The following LRRK1 variants were observed in gnomAD, a reference collection of about 807,000 sequenced individuals.
LRRK1 encodes the protein leucine rich repeat kinase 1.
LRRK1 carries 113 observed loss-of-function variants against 209.1 expected under a neutral mutation model. The observed-to-expected ratio is 0.54, with a 90% CI of 0.46 to 0.63. The LOEUF (loss-of-function observed/expected upper bound fraction) is 0.63. Ranked by LOEUF, LRRK1 falls within the 30% of genes least tolerant of loss-of-function variation. The pLI, the probability that LRRK1 is intolerant of heterozygous loss-of-function variation, is 0.00. For missense variants in LRRK1, 2,284 were observed against 2,632.2 expected, an observed-to-expected ratio of 0.87 and a Z score of 2.89; for synonymous variants, 1,144 against 1,099.7, an observed-to-expected ratio of 1.04 and a Z score of -0.80.
At chr15:100,987,637 CACA>C (rs1436940021) in intron 4 of LRRK1, among the ~76,000 whole-genome samples, 1 of 151,662 alleles carries the variant, frequency 6.6e-6, no homozygotes, top group African/African-American at 2.4e-5. Flanking sequence ...AATACAATGA[CACA>C]ACATCATGAG....
chr15:100,972,335 T>TATATGA (rs754464630), intron 2 of LRRK1, among the ~76,000 whole-genome samples: 57 of 106,182 alleles, frequency 5.4e-4, no homozygotes, highest in South Asian at 1.4e-3. Context: ...TATATATATA[T>TATATGA]GAGAGAGAGA....
chr15:100,998,059 A>G (rs1423535555), intron 6 of LRRK1, among the ~76,000 whole-genome samples: 2 of 151,964 alleles, frequency 1.3e-5, no homozygotes, highest in Non-Finnish European at 2.9e-5. Flanking sequence ...GTGCATGCCT[A>G]TAATCCCAGC....
chr15:100,998,415 C>T (rs1442701302), intron 6 of LRRK1, among the ~76,000 whole-genome samples: 1 of 152,172 alleles, frequency 6.6e-6, no homozygotes, highest in African/African-American at 2.4e-5. Context: ...GCCCCCACCC[C>T]AACCTTCTAT....
intron 2 of LRRK1, among the ~76,000 whole-genome samples, chr15:100,947,824 A>G (rs2042570696): frequency 6.6e-6 from 1 of 152,250 alleles, no homozygotes; most frequent in East Asian, 1.9e-4. Flanking sequence ...GATGCAGAAC[A>G]TGATTATCGT....
chr15:100,968,851 T>A (rs981116545), intron 2 of LRRK1, among the ~76,000 whole-genome samples: 1 of 151,230 alleles, frequency 6.6e-6, no homozygotes, highest in Admixed American at 6.6e-5. Context: ...GTTTTGTTTT[T>A]TTGAGACAGG....
At chr15:101,032,597 T>C (rs2034330890) in intron 20 of LRRK1, among the ~76,000 whole-genome samples, 1 of 152,210 alleles carries the variant, frequency 6.6e-6, no homozygotes. Flanking sequence ...ATCTTGACAA[T>C]CTTTCTTTAT....
At position 101,053,207 on chromosome 15, in the gene LRRK1, G is replaced by A; in HGVS notation, c.3857-16G>A. On this transcript the variant is annotated splice_polypyrimidine_tract_variant and intron_variant, in intron 25 of 33. Transcript: ENST00000388948. ...ACCCCATGTCCTACTGGCTGACACT[G>A]CGCTGTCCCTGGCAGACACCATGCT... 1.2e-6 allele frequency: 2 copies of A among 1,603,304 alleles called. No homozygotes were observed. The highest frequency in any genetic ancestry group is 1.7e-6 in the Non-Finnish European group (2 of 1,179,176).
intron 2 of LRRK1, among the ~76,000 whole-genome samples, chr15:100,936,239 A>G (rs2042297450): frequency 1.3e-5 from 2 of 152,252 alleles, no homozygotes; most frequent in South Asian, 4.1e-4. Flanking sequence ...CCTTACAGGT[A>G]CAGCCAGAAC....
chr15:100,954,707 T>C (rs113634499), intron 2 of LRRK1, among the ~76,000 whole-genome samples: 2,259 of 152,360 alleles, frequency 0.015, 62 homozygotes, highest in African/African-American at 0.051. Context: ...TTGTCTTGCA[T>C]GTAGATGTCC....
chr15:100,926,705 G>C (rs1177989715), intron 2 of LRRK1, among the ~76,000 whole-genome samples: 1 of 70,482 alleles, frequency 1.4e-5, no homozygotes, highest in East Asian at 4.7e-4. Context: ...TTTTTTTTGA[G>C]ACAGTGTCTT....
chr15:100,927,661 C>T (rs1009717845), intron 2 of LRRK1, among the ~76,000 whole-genome samples: 2 of 152,194 alleles, frequency 1.3e-5, no homozygotes, highest in African/African-American at 2.4e-5. Context: ...TAGCCTGAAA[C>T]ACCCCAGAAA....
intron 2 of LRRK1, among the ~76,000 whole-genome samples, chr15:100,960,376 A>G (rs1222001801): frequency 1.3e-5 from 2 of 148,642 alleles, no homozygotes; most frequent in African/African-American, 5.0e-5. Flanking sequence ...AGGGTGTCCT[A>G]ATCCTCCAGT....
chr15:100,974,253 C>T (rs2031161148), intron 3 of LRRK1: 1 of 325,530 alleles, frequency 3.1e-6, no homozygotes, highest in Non-Finnish European at 5.5e-6. Context: ...GAGGCTTAAC[C>T]TACTCTATTC....
chr15:101,057,929 G>C, intron 28 of LRRK1, 61 bp from the exon 29 acceptor site: 3 of 1,583,382 alleles, frequency 1.9e-6, no homozygotes, highest in Non-Finnish European at 2.6e-6. Context: ...CTCATGGGCA[G>C]AACGGGCACC....
rs2035472094 is a variant in LRRK1, at chr15:101,051,902, C to T, written c.3631C>T (p.Leu1211Phe). 6.2e-7 allele frequency: 1 copy of T among 1,614,028 alleles called. No homozygotes were observed. The highest frequency in any genetic ancestry group is 8.5e-7 in the Non-Finnish European group (1 of 1,180,026). The change falls in exon 24 of 34, where the codon CTC becomes TTC. Residue 1211 changes from leucine (L) to phenylalanine (F), a missense_variant. Physicochemically the swap from Leu to Phe is conservative, Grantham distance 22. Coordinates refer to ENST00000388948, the MANE Select transcript of LRRK1 (RefSeq NM_024652.6). ...CATCTCCTGCCCCAGACACCCGGAC[C>T]TCCCCGTGCCGCTGCAGGAGCTGGT... Reference protein sequence around the residue: ...DFISCPRHPDLPVPLQELVPE... With the variant: ...DFISCPRHPDFPVPLQELVPE...
intron 24 of LRRK1, among the ~76,000 whole-genome samples, chr15:101,052,467 C>T (rs1019736936): frequency 6.8e-6 from 1 of 147,830 alleles, no homozygotes; most frequent in East Asian, 1.9e-4. Context: ...CCTTCTTTGT[C>T]AAACGCTGAC....
chr15:101,020,172 C>G (rs2033711883), intron 12 of LRRK1, among the ~76,000 whole-genome samples: 1 of 152,142 alleles, frequency 6.6e-6, no homozygotes, highest in Non-Finnish European at 1.5e-5. Context: ...TAATTCCTTT[C>G]CCCAGAGACA....
At chr15:101,006,137 C>T (rs2032939434) in intron 6 of LRRK1, among the ~76,000 whole-genome samples, 1 of 152,168 alleles carries the variant, frequency 6.6e-6, no homozygotes, top group Non-Finnish European at 1.5e-5. Context: ...CCAAACAGGG[C>T]ACCACCTGTA....
intron 2 of LRRK1, among the ~76,000 whole-genome samples, chr15:100,945,280 A>C (rs1455588127): frequency 6.6e-6 from 1 of 152,042 alleles, no homozygotes; most frequent in Non-Finnish European, 1.5e-5. Context: ...AATCCCTGAA[A>C]ACATGTGTGC....
Sources: allele counts gnomAD v4.1 joint callset (sites outside exome capture counted in the v4.1 genomes callset), GRCh38; gene constraint gnomAD v4.1.1; transcripts MANE v1.5; gene names NCBI Gene and HGNC (gene_info 2026-07-23, HGNC 2026-07-21).